The following TMEM132D variants were observed in gnomAD, a reference collection of about 807,000 sequenced individuals.
The protein encoded by TMEM132D is mature OL transmembrane protein.
A neutral mutation model predicts 62.3 loss-of-function variants in TMEM132D; 21 were observed. That is an observed-to-expected ratio of 0.34 (90% CI 0.24 to 0.49). The LOEUF is 0.49. Ranked by LOEUF, TMEM132D falls within the 20% of genes least tolerant of loss-of-function variation. The probability of loss-of-function intolerance (pLI) is 0.99; values close to 1 mark genes in which losing one functional copy is unlikely to be tolerated. For synonymous variants in TMEM132D, 621 were observed against 575.6 expected, an observed-to-expected ratio of 1.08 and a Z score of -1.13; for missense variants, 1,346 against 1,402.8, an observed-to-expected ratio of 0.96 and a Z score of 0.65.
intron 5 of TMEM132D, among the ~76,000 whole-genome samples, chr12:129,139,363 C>T (rs938476983): frequency 2.0e-5 from 3 of 152,166 alleles, no homozygotes; most frequent in African/African-American, 7.2e-5. Flanking sequence ...ACAGCATGGG[C>T]ATCAACCAGT....
At chr12:129,747,469 C>G (rs982989801) in intron 1 of TMEM132D, among the ~76,000 whole-genome samples, 1 of 150,714 alleles carries the variant, frequency 6.6e-6, no homozygotes, top group Non-Finnish European at 1.5e-5. Context: ...CACATTCAGA[C>G]ACACACACTC....
chr12:129,189,465 A>G (rs150338988), intron 5 of TMEM132D, among the ~76,000 whole-genome samples: 7 of 152,204 alleles, frequency 4.6e-5, no homozygotes, highest in Non-Finnish European at 1.0e-4. Context: ...AAGACTGCAC[A>G]TGGTGAGGAA....
At chr12:129,427,728 G>A (rs1306570089) in intron 3 of TMEM132D, among the ~76,000 whole-genome samples, 2 of 150,906 alleles carry the variant, frequency 1.3e-5, no homozygotes, top group Admixed American at 1.3e-4. Flanking sequence ...TTCTAGAGGA[G>A]GAAAATTAAA....
At chr12:129,517,258 AT>A (rs950007165) in intron 3 of TMEM132D, among the ~76,000 whole-genome samples, 1 of 152,052 alleles carries the variant, frequency 6.6e-6, no homozygotes, top group Admixed American at 6.5e-5. Flanking sequence ...TGGTGATGAT[AT>A]TTTTTTTACT....
At chr12:129,837,991 T>C (rs1873060438) in intron 1 of TMEM132D, among the ~76,000 whole-genome samples, 1 of 152,196 alleles carries the variant, frequency 6.6e-6, no homozygotes, top group Non-Finnish European at 1.5e-5. Flanking sequence ...CAGACAAGAA[T>C]AAAGCAATTG....
chr12:129,641,370 C>T (rs1389303269), intron 2 of TMEM132D, among the ~76,000 whole-genome samples: 1 of 152,134 alleles, frequency 6.6e-6, no homozygotes, highest in Admixed American at 6.5e-5. Context: ...ATGTGAGCAA[C>T]CACCCTGTCT....
chr12:129,532,186 G>A (rs953730966), intron 2 of TMEM132D, among the ~76,000 whole-genome samples: 9 of 152,194 alleles, frequency 5.9e-5, no homozygotes, highest in African/African-American at 1.2e-4. Context: ...GTCCCTCAGC[G>A]GAAAATAGGA....
At position 129,872,768 on chromosome 12, in the gene TMEM132D, A is replaced by G. The variant is rs2137378319; in HGVS notation, c.79+30493T>C. Among the ~76,000 whole-genome samples, 5 of 152,318 alleles carry G rather than the reference A, an allele frequency of 3.3e-5. No homozygotes were observed. In the Middle Eastern group the frequency reaches 0.01, roughly 311 times the overall value. The stretch of plus-strand genomic sequence containing the variant: ...GGGTTAAATGGCGCACAGGATGTTG[A>G]CCGTCCATGCGTGAATGAGTAAGCT... On this transcript the variant is annotated intron_variant, in intron 1 of 8. Coordinates refer to ENST00000422113, the MANE Select transcript of TMEM132D (RefSeq NM_133448.3).
At chr12:129,878,354 G>A (rs1874494253) in intron 1 of TMEM132D, among the ~76,000 whole-genome samples, 2 of 152,146 alleles carry the variant, frequency 1.3e-5, no homozygotes, top group Admixed American at 1.3e-4. Flanking sequence ...TTATAGTATG[G>A]TGATCGGGAG....
chr12:129,781,821 TG>T (rs1399702907), intron 1 of TMEM132D, among the ~76,000 whole-genome samples: 5 of 152,310 alleles, frequency 3.3e-5, no homozygotes, highest in African/African-American at 1.2e-4. Context: ...TGGGCATCCA[TG>T]GGCCCAGCTA....
chr12:129,116,287 G>A (rs565886673), intron 5 of TMEM132D, among the ~76,000 whole-genome samples: 23 of 152,172 alleles, frequency 1.5e-4, no homozygotes, highest in African/African-American at 2.2e-4. Context: ...ATGATACGTG[G>A]TCACATCCAC....
chr12:129,274,784 G>A (rs1387168706), intron 4 of TMEM132D, among the ~76,000 whole-genome samples: 1 of 152,166 alleles, frequency 6.6e-6, no homozygotes, highest in Non-Finnish European at 1.5e-5. Context: ...CTACTCAGGA[G>A]GCTGAGGCAG....
chr12:129,747,905 A>G (rs149218721), intron 1 of TMEM132D, among the ~76,000 whole-genome samples: 1 of 152,198 alleles, frequency 6.6e-6, no homozygotes, highest in East Asian at 1.9e-4. Flanking sequence ...AGCTGAACTC[A>G]TCTCCCTGCT....
At chr12:129,740,548 A>C (rs761585068) in intron 1 of TMEM132D, among the ~76,000 whole-genome samples, 1 of 152,216 alleles carries the variant, frequency 6.6e-6, no homozygotes, top group Non-Finnish European at 1.5e-5. Flanking sequence ...TTAATCATTC[A>C]GGTGTAAGTA....
chr12:129,312,223 T>C (rs1881993139), intron 4 of TMEM132D, among the ~76,000 whole-genome samples: 1 of 152,192 alleles, frequency 6.6e-6, no homozygotes, highest in Non-Finnish European at 1.5e-5. Context: ...GTTTAACAGT[T>C]GGCTTTGGGG....
chr12:129,401,707 T>C (rs1374774944), intron 3 of TMEM132D, among the ~76,000 whole-genome samples: 1 of 152,172 alleles, frequency 6.6e-6, no homozygotes, highest in African/African-American at 2.4e-5. Flanking sequence ...GTGAAGCTGC[T>C]CCTCCAAGGT....
chr12:129,297,856 C>T (rs1464106763), intron 4 of TMEM132D, among the ~76,000 whole-genome samples: 1 of 152,130 alleles, frequency 6.6e-6, no homozygotes, highest in Non-Finnish European at 1.5e-5. Context: ...TTCTGGGACC[C>T]AGGCTACTTA....
At chr12:129,195,908 C>T (rs766904720) in intron 5 of TMEM132D, among the ~76,000 whole-genome samples, 9 of 152,162 alleles carry the variant, frequency 5.9e-5, no homozygotes, top group Non-Finnish European at 8.8e-5. Flanking sequence ...GGGCGGGTCA[C>T]TTGAGGTCAG....
chr12:129,087,925 C>CGGGGTGTCCTCTATGACCG (rs144222251), intron 5 of TMEM132D, among the ~76,000 whole-genome samples: 1 of 37,192 alleles, frequency 2.7e-5, no homozygotes, highest in African/African-American at 1.8e-4. Flanking sequence ...CCTCCCTGAC[C>CGGGGTGTCCTCTATGACCG]GGGTGTCCTC....
Sources: allele counts gnomAD v4.1 joint callset (sites outside exome capture counted in the v4.1 genomes callset), GRCh38; gene constraint gnomAD v4.1.1; transcripts MANE v1.5; gene names NCBI Gene and HGNC (gene_info 2026-07-23, HGNC 2026-07-21).